LSAMP: variants seen among roughly 807,000 people sequenced by gnomAD.
LSAMP encodes the protein limbic system-associated membrane protein.
A neutral mutation model predicts 38.6 loss-of-function variants in LSAMP; 7 were observed. That is an observed-to-expected ratio of 0.18 (90% confidence interval 0.10 to 0.34). The LOEUF (loss-of-function observed/expected upper bound fraction) is 0.34, where lower values mean the gene tolerates loss of function less well. LSAMP is among the 10% of genes least tolerant of loss of function. The probability of loss-of-function intolerance (pLI) is 1.00; values close to 1 mark genes in which losing one functional copy is unlikely to be tolerated. For missense variants in LSAMP, 313 were observed against 420.0 expected, an observed-to-expected ratio of 0.75 and a Z score of 2.23; for synonymous variants, 154 against 166.8, an observed-to-expected ratio of 0.92 and a Z score of 0.59.
intron 1 of LSAMP, among the ~76,000 whole-genome samples, chr3:116,106,127 G>A (rs571268662): frequency 2.6e-5 from 4 of 152,154 alleles, no homozygotes; most frequent in East Asian, 1.9e-4. Context: ...GAATTGGGAC[G>A]ACTCAGGATA....
intron 3 of LSAMP, among the ~76,000 whole-genome samples, chr3:115,892,513 T>C (rs1450430995): frequency 6.6e-6 from 1 of 151,950 alleles, no homozygotes; most frequent in African/African-American, 2.4e-5. Flanking sequence ...TGATTCCACT[T>C]ATGTCAAGTA....
At chr3:116,117,319 T>A (rs975758512) in intron 1 of LSAMP, among the ~76,000 whole-genome samples, 2 of 152,182 alleles carry the variant, frequency 1.3e-5, no homozygotes, top group Admixed American at 1.3e-4. Context: ...CCCCCTATTC[T>A]TTCTTTATAT....
At chr3:116,229,127 ACTTAT>A (rs1270559899) in intron 1 of LSAMP, among the ~76,000 whole-genome samples, 1 of 152,152 alleles carries the variant, frequency 6.6e-6, no homozygotes, top group Non-Finnish European at 1.5e-5. Context: ...AGACAACATA[ACTTAT>A]CTTGAAAGTG....
chr3:116,351,509 C>T (rs1292333888), intron 1 of LSAMP, among the ~76,000 whole-genome samples: 1 of 152,020 alleles, frequency 6.6e-6, no homozygotes, highest in Non-Finnish European at 1.5e-5. Flanking sequence ...CACATATGTA[C>T]CCATACATTC....
intron 3 of LSAMP, among the ~76,000 whole-genome samples, chr3:116,008,686 TA>T (rs1277461487): frequency 6.6e-6 from 1 of 151,070 alleles, no homozygotes; most frequent in Non-Finnish European, 1.5e-5. Context: ...TCCCCACCAA[TA>T]TTTTTTTTTT....
intron 3 of LSAMP, among the ~76,000 whole-genome samples, chr3:115,922,390 G>A (rs1937403719): frequency 6.6e-6 from 1 of 151,914 alleles, no homozygotes; most frequent in Non-Finnish European, 1.5e-5. Context: ...TCAGTTCAGA[G>A]CATTCTCCAG....
chr3:116,211,413 A>G (rs1318630086), intron 1 of LSAMP, among the ~76,000 whole-genome samples: 2 of 152,232 alleles, frequency 1.3e-5, no homozygotes, highest in Admixed American at 1.3e-4. Flanking sequence ...TAGCCATTCA[A>G]AAATGTATAC....
At chr3:116,233,230 A>C (rs1261556804) in intron 1 of LSAMP, among the ~76,000 whole-genome samples, 1 of 151,756 alleles carries the variant, frequency 6.6e-6, no homozygotes, top group Non-Finnish European at 1.5e-5. Flanking sequence ...TGGCTAACAC[A>C]GTGCAACCCC....
intron 2 of LSAMP, among the ~76,000 whole-genome samples, chr3:116,086,098 A>C (rs1484408794): frequency 6.6e-6 from 1 of 152,168 alleles, no homozygotes; most frequent in Non-Finnish European, 1.5e-5. Context: ...GCTAGGTGAA[A>C]ACATTCTCAC....
chr3:116,345,604 T>C (rs1017072271), intron 1 of LSAMP, among the ~76,000 whole-genome samples: 2 of 152,064 alleles, frequency 1.3e-5, no homozygotes, highest in African/African-American at 2.4e-5. Context: ...TCATTGATTT[T>C]TAAAATTTTA....
chr3:116,059,297 A>G (rs1236380762), intron 2 of LSAMP, among the ~76,000 whole-genome samples: 1 of 152,202 alleles, frequency 6.6e-6, no homozygotes, highest in East Asian at 1.9e-4. Flanking sequence ...TTTTTGCCTT[A>G]TGCAACTCTT....
intron 1 of LSAMP, among the ~76,000 whole-genome samples, chr3:116,160,652 C>A (rs1321740327): frequency 6.6e-6 from 1 of 152,108 alleles, no homozygotes; most frequent in Non-Finnish European, 1.5e-5. Context: ...TGCACATATA[C>A]CCCTGAACCT....
At chr3:116,037,471 A>G (rs938907609) in intron 2 of LSAMP, among the ~76,000 whole-genome samples, 27 of 152,096 alleles carry the variant, frequency 1.8e-4, no homozygotes, top group African/African-American at 6.5e-4. Flanking sequence ...GACTCTCAGT[A>G]GGGCTCCTTC....
At position 115,903,694 on chromosome 3, in the gene LSAMP, G is replaced by C. The variant is rs575832583; in HGVS notation, c.515-51077C>G. On this transcript the variant is annotated intron_variant, in intron 3 of 6. Coordinates refer to ENST00000490035, the MANE Select transcript of LSAMP (RefSeq NM_002338.5). Reference sequence around the variant, plus strand: ...TTTGGAAAGAGGATAAGGTAAGTTAGCCTCTGATAAAAATGTATCTCTAAA... The same window carrying C: ...TTTGGAAAGAGGATAAGGTAAGTTACCCTCTGATAAAAATGTATCTCTAAA... Among the ~76,000 whole-genome samples the C allele has an allele frequency of 4.6e-5, 7 of 152,128 alleles. No individual in the cohort carries two copies. The South Asian group carries it at 1.5e-3, about 32-fold the overall frequency.
chr3:115,815,668 A>G (rs1933994577), intron 6 of LSAMP, among the ~76,000 whole-genome samples: 2 of 152,216 alleles, frequency 1.3e-5, no homozygotes, highest in African/African-American at 4.8e-5. Flanking sequence ...TTTTTCAACC[A>G]CATATCAAAG....
chr3:116,113,792 T>A (rs1708683897), intron 1 of LSAMP, among the ~76,000 whole-genome samples: 3 of 152,132 alleles, frequency 2.0e-5, no homozygotes, highest in African/African-American at 7.2e-5. Context: ...TTGTTTTTAT[T>A]ATTACTGATA....
At chr3:116,213,171 T>C (rs906883611) in intron 1 of LSAMP, among the ~76,000 whole-genome samples, 3 of 152,234 alleles carry the variant, frequency 2.0e-5, no homozygotes, top group East Asian at 3.8e-4. Context: ...CTGTTTTCCA[T>C]AGCAGCTTTA....
At chr3:115,823,447 C>T (rs1934312016) in intron 6 of LSAMP, among the ~76,000 whole-genome samples, 1 of 152,212 alleles carries the variant, frequency 6.6e-6, no homozygotes, top group South Asian at 2.1e-4. Flanking sequence ...CTGTAGTACA[C>T]TGGCAGCTCA....
chr3:116,013,780 A>C (rs1940398202), intron 3 of LSAMP, among the ~76,000 whole-genome samples: 1 of 152,214 alleles, frequency 6.6e-6, no homozygotes, highest in Admixed American at 6.5e-5. Flanking sequence ...GTTCAAAGAA[A>C]AGTAGCATAA....
Sources: gnomAD v4.1 joint callset for allele counts (sites outside exome capture counted in the v4.1 genomes callset) on GRCh38, gnomAD v4.1.1 for gene constraint, MANE v1.5 for transcripts, NCBI Gene and HGNC (gene_info 2026-07-23, HGNC 2026-07-21) for gene names.